The following RAPGEF5 variants were observed in gnomAD, a reference collection of about 807,000 sequenced individuals.
The protein encoded by RAPGEF5 is Rap guanine nucleotide exchange factor 5.
In RAPGEF5, 65 loss-of-function variants were observed where a neutral mutation model predicts 125.2. The observed-to-expected ratio is 0.52, with a 90% CI of 0.43 to 0.64. The LOEUF (loss-of-function observed/expected upper bound fraction) is 0.64, where lower values mean the gene tolerates loss of function less well. Ranked by LOEUF, RAPGEF5 falls within the 30% of genes least tolerant of loss-of-function variation. The probability of loss-of-function intolerance (pLI) is 0.00; values close to 1 mark genes in which losing one functional copy is unlikely to be tolerated. For synonymous variants in RAPGEF5, 391 were observed against 385.9 expected, an observed-to-expected ratio of 1.01 and a Z score of -0.16; for missense variants, 958 against 1,048.1, an observed-to-expected ratio of 0.91 and a Z score of 1.19.
At chr7:22,153,150 T>C (rs1783684368) in intron 17 of RAPGEF5, among the ~76,000 whole-genome samples, 1 of 152,196 alleles carries the variant, frequency 6.6e-6, no homozygotes, top group South Asian at 2.1e-4. Flanking sequence ...ATTCAGCTCT[T>C]CCTTCTCTGG....
At chr7:22,179,519 T>A (rs4722106) in intron 11 of RAPGEF5, among the ~76,000 whole-genome samples, 1 of 152,152 alleles carries the variant, frequency 6.6e-6, no homozygotes. Flanking sequence ...TGAGCCAGAG[T>A]GACTCCATCT....
chr7:22,255,268 A>G (rs1370493934), intron 7 of RAPGEF5, among the ~76,000 whole-genome samples: 2 of 152,152 alleles, frequency 1.3e-5, no homozygotes, highest in Non-Finnish European at 2.9e-5. Flanking sequence ...CTAGCCTCTT[A>G]AAAATAATAA....
In RAPGEF5 at chr7:22,154,267, C is replaced by T. The variant is rs140652651; in HGVS notation, c.1786+188G>A. 1.8e-4 allele frequency among the ~76,000 whole-genome samples: 28 copies of T among 152,278 alleles called. No homozygotes were observed. The East Asian group carries it at 4.2e-3, about 23-fold the overall frequency. ...CTATTCAGTTCTTGGGGAGGAAATT[C>T]AGTATCCCACAGTACCCAACTGTTG... is the stretch of plus-strand genomic sequence containing the variant. On this transcript the variant is annotated intron_variant, in intron 17 of 25. Transcript: ENST00000665637.
intron 17 of RAPGEF5, among the ~76,000 whole-genome samples, chr7:22,151,458 CTTT>C (rs10609080): frequency 0.025 from 2,715 of 109,956 alleles, 26 homozygotes; most frequent in Middle Eastern, 0.093. Flanking sequence ...CTGATCATTA[CTTT>C]TTTTTTTTTT....
rs1414887538 is a variant in RAPGEF5 at position 22,121,195 on chromosome 7, G to C, written c.*1211C>G. The C allele has an allele frequency of 1.6e-5, 2 of 128,924 alleles. No individual in the cohort carries two copies. Among genetic ancestry groups the C allele is most frequent in the African/African-American group, 2.9e-5 (1 of 34,776 alleles). The allele number at this position is 128,924 out of a possible 1,614,324, so 8.0% of individuals were successfully genotyped here. A position where few individuals can be genotyped will look rare whatever the true frequency, so the allele number is the denominator to read the frequency against. On this transcript the variant is annotated 3_prime_UTR_variant, in exon 26 of 26. Transcript: ENST00000665637. The stretch of plus-strand genomic sequence containing the variant: ...CAGGAGCCTCAATTGGTAAAAATGG[G>C]AATAATAAGATTTTAGAAGACTCAG...
At position 22,262,419 on chromosome 7, in the gene RAPGEF5, C is replaced by A. The variant is rs576149728; in HGVS notation, c.796+4545G>T. Reference sequence around the variant, plus strand: ...TTAAAAATAATAATAATAATGATACCAAATGCTGGCAAGGACGCAGGGAAT... The same window carrying A: ...TTAAAAATAATAATAATAATGATACAAAATGCTGGCAAGGACGCAGGGAAT... On this transcript the variant is annotated intron_variant, in intron 7 of 25. Transcript: ENST00000665637. 8.1e-4 allele frequency among the ~76,000 whole-genome samples: 124 copies of A among 152,148 alleles called. No homozygotes were observed. In the Middle Eastern group the frequency reaches 0.01, roughly 13 times the overall value.
intron 9 of RAPGEF5, among the ~76,000 whole-genome samples, chr7:22,197,799 G>A (rs1007302468): frequency 6.6e-6 from 1 of 150,890 alleles, no homozygotes; most frequent in East Asian, 1.9e-4. Context: ...AACATTTACT[G>A]AATACGTTTA....
intron 17 of RAPGEF5, among the ~76,000 whole-genome samples, chr7:22,152,961 C>T (rs753942988): frequency 1.8e-4 from 28 of 152,256 alleles, no homozygotes; most frequent in Non-Finnish European, 3.4e-4. Context: ...GACATTACAA[C>T]GCTATTGCCC....
intron 8 of RAPGEF5, among the ~76,000 whole-genome samples, chr7:22,221,299 C>T (rs540904878): frequency 1.3e-5 from 2 of 152,198 alleles, no homozygotes; most frequent in Non-Finnish European, 1.5e-5. Context: ...TTGGAAAGTC[C>T]CTTATTCTTA....
At position 22,261,450 on chromosome 7, in the gene RAPGEF5, T is replaced by G. The variant is rs1015254577; in HGVS notation, c.796+5514A>C. Among the ~76,000 whole-genome samples the G allele has an allele frequency of 2.6e-5, 4 of 151,348 alleles. No individual in the cohort carries two copies. In the East Asian group the frequency reaches 7.7e-4, roughly 29 times the overall value. On this transcript the variant is annotated intron_variant, in intron 7 of 25. Transcript: ENST00000665637. ...CCCCTCTCTACCAAAAATAAAAAAATAAAAAAAATTAGGTAGGTGTGGTGG... is the reference window on the plus strand; with the variant it reads ...CCCCTCTCTACCAAAAATAAAAAAAGAAAAAAAATTAGGTAGGTGTGGTGG...
At chr7:22,151,561 T>A (rs909141985) in intron 17 of RAPGEF5, among the ~76,000 whole-genome samples, 1 of 150,764 alleles carries the variant, frequency 6.6e-6, no homozygotes, top group African/African-American at 2.4e-5. Flanking sequence ...TCCTCCTGGG[T>A]TCAAGTGATT....
intron 20 of RAPGEF5, among the ~76,000 whole-genome samples, chr7:22,140,437 C>A (rs1001806837): frequency 3.9e-5 from 6 of 152,092 alleles, no homozygotes; most frequent in Non-Finnish European, 5.9e-5. Flanking sequence ...TCTTTATATA[C>A]GCCCCACTCT....
At chr7:22,311,789 CTTCTAA>C (rs1783477233) in intron 3 of RAPGEF5, among the ~76,000 whole-genome samples, 1 of 152,208 alleles carries the variant, frequency 6.6e-6, no homozygotes, top group African/African-American at 2.4e-5. Flanking sequence ...CAAGACTTAA[CTTCTAA>C]TTCTATAGGA....
intron 6 of RAPGEF5, among the ~76,000 whole-genome samples, chr7:22,283,046 T>TACACACACAC (rs71550469): frequency 1.5e-4 from 23 of 148,464 alleles, no homozygotes; most frequent in South Asian, 6.4e-4. Context: ...TGTAAAAAAA[T>TACACACACAC]ACACACACAC....
chr7:22,299,415 C>A (rs1212932735), intron 5 of RAPGEF5, among the ~76,000 whole-genome samples: 1 of 152,068 alleles, frequency 6.6e-6, no homozygotes, highest in Non-Finnish European at 1.5e-5. Flanking sequence ...GTATATGCCT[C>A]TTTATCCTTC....
chr7:22,167,944 T>A (rs115050664), intron 11 of RAPGEF5, among the ~76,000 whole-genome samples: 2,527 of 152,332 alleles, frequency 0.017, 71 homozygotes, highest in African/African-American at 0.057. Flanking sequence ...ATATGCAGAA[T>A]GTAAAGTGGT....
At chr7:22,156,726 TAGTC>T (rs968020228) in intron 16 of RAPGEF5, 80 bp downstream of exon 16, 5 of 1,589,840 alleles carry the variant, frequency 3.1e-6, no homozygotes, top group Non-Finnish European at 4.3e-6. Flanking sequence ...AAATGAAGGT[TAGTC>T]AGGCTGATAT....
intron 9 of RAPGEF5, among the ~76,000 whole-genome samples, chr7:22,210,453 A>G (rs1021704312): frequency 6.6e-6 from 1 of 152,172 alleles, no homozygotes; most frequent in African/African-American, 2.4e-5. Flanking sequence ...CAAAAATTTT[A>G]CCTTGACACA....
At chr7:22,253,962 G>A (rs889034749) in intron 7 of RAPGEF5, among the ~76,000 whole-genome samples, 1 of 152,066 alleles carries the variant, frequency 6.6e-6, no homozygotes, top group Non-Finnish European at 1.5e-5. Context: ...TATTCCACAG[G>A]TATAAAGGTT....
Sources: gnomAD v4.1 joint callset for allele counts (sites outside exome capture counted in the v4.1 genomes callset) on GRCh38, gnomAD v4.1.1 for gene constraint, MANE v1.5 for transcripts, NCBI Gene and HGNC (gene_info 2026-07-23, HGNC 2026-07-21) for gene names.